PCDH9: variants seen among roughly 807,000 people sequenced by gnomAD.
PCDH9 encodes the protein protocadherin 9.
PCDH9 carries 24 observed loss-of-function variants against 70.6 expected under a neutral mutation model. The ratio of observed to expected loss-of-function variants is 0.34; its 90% CI spans 0.25 to 0.48. PCDH9 has a LOEUF of 0.48. Ranked by LOEUF, PCDH9 falls within the 20% of genes least tolerant of loss-of-function variation. The probability of loss-of-function intolerance (pLI) is 0.99; values close to 1 mark genes in which losing one functional copy is unlikely to be tolerated. For synonymous variants in PCDH9, 562 were observed against 558.5 expected, an observed-to-expected ratio of 1.01 and a Z score of -0.09; for missense variants, 1,281 against 1,503.6, an observed-to-expected ratio of 0.85 and a Z score of 2.45.
chr13:67,128,860 A>C (rs961529553), intron 2 of PCDH9, among the ~76,000 whole-genome samples: 6 of 152,162 alleles, frequency 3.9e-5, no homozygotes, highest in Non-Finnish European at 8.8e-5. Flanking sequence ...TTTCAGTGGT[A>C]CATGAATTTA....
At chr13:66,420,702 G>A (rs1957551439) in intron 4 of PCDH9, among the ~76,000 whole-genome samples, 1 of 152,144 alleles carries the variant, frequency 6.6e-6, no homozygotes, top group Admixed American at 6.6e-5. Flanking sequence ...AAGACCAAAA[G>A]TAGATAAATC....
intron 4 of PCDH9, among the ~76,000 whole-genome samples, chr13:66,369,661 C>A (rs1487344131): frequency 6.6e-6 from 1 of 152,064 alleles, no homozygotes; most frequent in Non-Finnish European, 1.5e-5. Flanking sequence ...GAGGGAGATT[C>A]TTTAGTCACA....
intron 3 of PCDH9, among the ~76,000 whole-genome samples, chr13:66,777,711 G>A (rs147727126): frequency 0.022 from 3,387 of 152,286 alleles, 132 homozygotes; most frequent in African/African-American, 0.075. Flanking sequence ...ATCCCTTGTG[G>A]AAGTCAGTGT....
chr13:67,159,410 C>T (rs2087896934), intron 2 of PCDH9, among the ~76,000 whole-genome samples: 1 of 152,098 alleles, frequency 6.6e-6, no homozygotes, highest in Admixed American at 6.5e-5. Flanking sequence ...TTGAAGCCAT[C>T]ATATTGTGTC....
In PCDH9 at chr13:66,497,814, C is replaced by CTT. The variant is rs763360211; in HGVS notation, c.3340+133394_3340+133395dup. Among the ~76,000 whole-genome samples, 294 of 111,292 alleles carry CTT rather than the reference C, an allele frequency of 2.6e-3. 1 individual carries two copies. The highest frequency in any genetic ancestry group is 5.2e-3 in the Middle Eastern group (1 of 194). 73.0% of individuals were successfully genotyped at this position (111,292 alleles called of 152,430 possible). On this transcript the variant is annotated intron_variant, in intron 4 of 4. Transcript: ENST00000377865. ...AGAAAAAGTGCTATACACACTCTTA[C>CTT]TTTTTTTTTTTTTTTTTTTTTTGAG...
At chr13:66,503,468 C>G (rs1293266039) in intron 4 of PCDH9, among the ~76,000 whole-genome samples, 1 of 152,154 alleles carries the variant, frequency 6.6e-6, no homozygotes, top group African/African-American at 2.4e-5. Context: ...TAATACTACA[C>G]AAATACTATT....
chr13:66,516,522 A>T (rs1959742177), intron 4 of PCDH9, among the ~76,000 whole-genome samples: 1 of 152,142 alleles, frequency 6.6e-6, no homozygotes, highest in African/African-American at 2.4e-5. Flanking sequence ...ACATGTTTGT[A>T]AAGGATGAAC....
At chr13:66,322,541 A>G (rs1330165760) in intron 4 of PCDH9, among the ~76,000 whole-genome samples, 2 of 151,994 alleles carry the variant, frequency 1.3e-5, no homozygotes, top group Non-Finnish European at 2.9e-5. Context: ...CTTTTCTCAA[A>G]CCATCTGCTT....
intron 2 of PCDH9, among the ~76,000 whole-genome samples, chr13:67,108,803 T>C (rs2086598301): frequency 6.6e-6 from 1 of 152,254 alleles, no homozygotes. Context: ...ACATTAATTA[T>C]ACTGCAATGA....
intron 2 of PCDH9, chr13:67,217,346 A>G (rs1167530759): frequency 6.6e-6 from 1 of 151,864 alleles, no homozygotes; most frequent in African/African-American, 2.4e-5. Context: ...TTCTAAATCA[A>G]TCATCTATTA....
chr13:66,306,708 G>T (rs1264789364), intron 4 of PCDH9, among the ~76,000 whole-genome samples: 3 of 151,632 alleles, frequency 2.0e-5, no homozygotes, highest in Non-Finnish European at 2.9e-5. Flanking sequence ...CCCCTCAAGA[G>T]CAAACAGTTT....
intron 4 of PCDH9, among the ~76,000 whole-genome samples, chr13:66,561,123 C>T (rs1264211790): frequency 2.0e-5 from 3 of 152,202 alleles, no homozygotes; most frequent in South Asian, 2.1e-4. Context: ...GCGCGAGTTC[C>T]GGGTGGCCGT....
chr13:66,474,597 T>C (rs1048636382), intron 4 of PCDH9, among the ~76,000 whole-genome samples: 1 of 152,096 alleles, frequency 6.6e-6, no homozygotes, highest in African/African-American at 2.4e-5. Context: ...CAAACATTAA[T>C]AATGGTTTAT....
chr13:66,708,828 A>G (rs1394964521), intron 3 of PCDH9, among the ~76,000 whole-genome samples: 1 of 152,114 alleles, frequency 6.6e-6, no homozygotes. Flanking sequence ...CCCAAGAGCA[A>G]AATCCATGAC....
chr13:67,124,104 G>T (rs1185816725), intron 2 of PCDH9, among the ~76,000 whole-genome samples: 1 of 151,932 alleles, frequency 6.6e-6, no homozygotes, highest in Non-Finnish European at 1.5e-5. Context: ...TAAATAATAA[G>T]GAATCCATGG....
At chr13:66,310,122 T>A (rs1366918936) in intron 4 of PCDH9, among the ~76,000 whole-genome samples, 2 of 152,016 alleles carry the variant, frequency 1.3e-5, no homozygotes, top group Non-Finnish European at 2.9e-5. Context: ...TATCCTTGGG[T>A]TTGGTGTGTA....
intron 2 of PCDH9, among the ~76,000 whole-genome samples, chr13:67,176,231 G>A (rs191188276): frequency 4.9e-4 from 75 of 152,220 alleles, no homozygotes; most frequent in African/African-American, 1.6e-3. Context: ...CAAAAAGAGC[G>A]GTGATGCAGA....
At chr13:66,550,927 C>T (rs1961458163) in intron 4 of PCDH9, among the ~76,000 whole-genome samples, 1 of 152,168 alleles carries the variant, frequency 6.6e-6, no homozygotes, top group African/African-American at 2.4e-5. Context: ...TCCCTGATTT[C>T]TCTGCTACAA....
At chr13:66,504,143 G>A (rs1959191669) in intron 4 of PCDH9, among the ~76,000 whole-genome samples, 1 of 152,180 alleles carries the variant, frequency 6.6e-6, no homozygotes, top group South Asian at 2.1e-4. Context: ...CTTTCAGGTT[G>A]CTGGTAAATA....
Sources: allele counts gnomAD v4.1 joint callset (sites outside exome capture counted in the v4.1 genomes callset), GRCh38; gene constraint gnomAD v4.1.1; transcripts MANE v1.5; gene names NCBI Gene and HGNC (gene_info 2026-07-23, HGNC 2026-07-21).